Variants in DYSF observed in about 807,000 individuals in gnomAD.
DYSF encodes the protein dysferlin.
DYSF carries 212 observed loss-of-function variants against 274.9 expected under a neutral mutation model. The ratio of observed to expected loss-of-function variants is 0.77; its 90% confidence interval spans 0.69 to 0.86. The LOEUF (loss-of-function observed/expected upper bound fraction) is 0.86, where lower values mean the gene tolerates loss of function less well. Ranked by LOEUF, DYSF falls within the 40% of genes least tolerant of loss-of-function variation. The pLI is 0.00. For synonymous variants in DYSF, 1,091 were observed against 1,078.7 expected (o/e 1.01, Z -0.22); for missense variants, 2,666 against 2,783.2 (o/e 0.96, Z 0.95).
intron 1 of DYSF, among the ~76,000 whole-genome samples, chr2:71,458,516 G>A (rs2081161283): frequency 6.6e-6 from 1 of 152,160 alleles, no homozygotes; most frequent in Middle Eastern, 3.2e-3. Flanking sequence ...CTTCTGAGGC[G>A]AAGTCATTTG....
At chr2:71,479,889 G>A (rs1426249897) in intron 1 of DYSF, among the ~76,000 whole-genome samples, 1 of 152,148 alleles carries the variant, frequency 6.6e-6, no homozygotes, top group African/African-American at 2.4e-5. Context: ...GGGTGAAGTG[G>A]ATTTTGTTTA....
At chr2:71,649,070 G>T (rs956485389) in intron 42 of DYSF, among the ~76,000 whole-genome samples, 1 of 146,744 alleles carries the variant, frequency 6.8e-6, no homozygotes, top group African/African-American at 2.5e-5. Context: ...GTTGTAGTTC[G>T]AGGCTGTAGT....
chr2:71,495,741 C>T (rs1242871967), intron 3 of DYSF, among the ~76,000 whole-genome samples: 1 of 152,138 alleles, frequency 6.6e-6, no homozygotes, highest in Non-Finnish European at 1.5e-5. Flanking sequence ...TTCCTGCACA[C>T]CCACATTCTT....
At chr2:71,525,103 G>A (rs1253089681) in intron 12 of DYSF, among the ~76,000 whole-genome samples, 2 of 152,160 alleles carry the variant, frequency 1.3e-5, no homozygotes, top group South Asian at 2.1e-4. Flanking sequence ...TTGCTAGTTG[G>A]AATCATCTGG....
At chr2:71,614,423 C>T (rs1470871259) in intron 40 of DYSF, among the ~76,000 whole-genome samples, 1 of 152,250 alleles carries the variant, frequency 6.6e-6, no homozygotes, top group African/African-American at 2.4e-5. Context: ...ATCTCTCCAG[C>T]CTCTGTGGCT....
chr2:71,610,208 C>T (rs1043523293), intron 36 of DYSF, among the ~76,000 whole-genome samples: 2 of 152,152 alleles, frequency 1.3e-5, no homozygotes, highest in African/African-American at 4.8e-5. Flanking sequence ...GAGTCTTAAG[C>T]ACATTTTTCT....
At chr2:71,679,364 C>T (rs567999387) in intron 53 of DYSF, 129 bp downstream of exon 53, 1 of 915,742 alleles carries the variant, frequency 1.1e-6, no homozygotes, top group South Asian at 1.7e-5. Context: ...CTCCTGCCCC[C>T]ATCCCCCCTC....
chr2:71,605,997 T>C (rs2093640093), intron 36 of DYSF, among the ~76,000 whole-genome samples: 1 of 152,142 alleles, frequency 6.6e-6, no homozygotes. Context: ...CAGCGTCTTC[T>C]GTCCTCTGCT....
chr2:71,656,055 A>G (rs892615574), intron 42 of DYSF, 107 bp from the exon 43 acceptor site: 1 of 1,361,882 alleles, frequency 7.3e-7, no homozygotes, highest in African/African-American at 1.5e-5. Context: ...CTCTTTATTC[A>G]CTCTCACACT....
At chr2:71,584,351 G>A (rs771990792) in intron 30 of DYSF, among the ~76,000 whole-genome samples, 14 of 152,048 alleles carry the variant, frequency 9.2e-5, no homozygotes, top group Admixed American at 5.2e-4. Flanking sequence ...TGCTGCTGCC[G>A]CTCTCCCAGT....
At chr2:71,516,525 T>C (rs1197232730) in intron 9 of DYSF, among the ~76,000 whole-genome samples, 2 of 152,266 alleles carry the variant, frequency 1.3e-5, no homozygotes, top group African/African-American at 2.4e-5. Context: ...GAGAGCCCAC[T>C]GCTCAGCATC....
At chr2:71,665,829 C>T (rs1196914896) in intron 47 of DYSF, among the ~76,000 whole-genome samples, 5 of 152,200 alleles carry the variant, frequency 3.3e-5, no homozygotes, top group African/African-American at 1.2e-4. Flanking sequence ...GGGTCCTGCC[C>T]AGCTCTCCTG....
At chr2:71,625,179 T>C (rs1425947977) in intron 41 of DYSF, among the ~76,000 whole-genome samples, 1 of 152,202 alleles carries the variant, frequency 6.6e-6, no homozygotes, top group African/African-American at 2.4e-5. Context: ...GCTCTCTCAA[T>C]CTGAAATTCC....
chr2:71,650,710 G>A (rs1274911583), intron 42 of DYSF, among the ~76,000 whole-genome samples: 3 of 152,110 alleles, frequency 2.0e-5, no homozygotes, highest in Non-Finnish European at 2.9e-5. Flanking sequence ...TTAGAAATTT[G>A]TAACAAGATC....
intron 40 of DYSF, among the ~76,000 whole-genome samples, chr2:71,618,564 GTGTT>G (rs1325167179): frequency 0.041 from 6,031 of 147,494 alleles, 39 homozygotes; most frequent in African/African-American, 0.096. Flanking sequence ...GGTGGAGTGT[GTGTT>G]TGTGTGGGGT....
At chr2:71,651,346 A>G (rs2094656262) in intron 42 of DYSF, among the ~76,000 whole-genome samples, 2 of 152,152 alleles carry the variant, frequency 1.3e-5, no homozygotes, top group African/African-American at 4.8e-5. Context: ...CCGCAATGAA[A>G]ACAGGGACAT....
chr2:71,543,335 G>A (rs2090131766), intron 17 of DYSF, among the ~76,000 whole-genome samples: 1 of 151,500 alleles, frequency 6.6e-6, no homozygotes, highest in Non-Finnish European at 1.5e-5. Flanking sequence ...TCACTTCCTA[G>A]AGGGGATGGC....
chr2:71,602,391 C>T (rs1023194775), intron 35 of DYSF, among the ~76,000 whole-genome samples: 6 of 152,204 alleles, frequency 3.9e-5, no homozygotes, highest in African/African-American at 1.4e-4. Flanking sequence ...GCTGCCCGCT[C>T]CTGGGGGTTC....
At chr2:71,575,425 A>T (rs1255436804) in intron 30 of DYSF, among the ~76,000 whole-genome samples, 1 of 152,030 alleles carries the variant, frequency 6.6e-6, no homozygotes, top group Non-Finnish European at 1.5e-5. Flanking sequence ...GGGCCAGGTC[A>T]AGGGGAGGCT....
Sources: allele counts gnomAD v4.1 joint callset (sites outside exome capture counted in the v4.1 genomes callset), GRCh38; gene constraint gnomAD v4.1.1; transcripts MANE v1.5; gene names NCBI Gene and HGNC (gene_info 2026-07-23, HGNC 2026-07-21).